The following RBM6 variants were observed in gnomAD, a reference collection of about 807,000 sequenced individuals.
RBM6 encodes the protein RNA-binding protein 6.
Under a neutral mutation model 140.4 loss-of-function variants are expected in RBM6, and 23 were observed. The ratio of observed to expected loss-of-function variants is 0.16; its 90% CI spans 0.12 to 0.23. The LOEUF is 0.23. Ranked by LOEUF, RBM6 falls within the 10% of genes least tolerant of loss-of-function variation. The pLI, the probability that RBM6 is intolerant of heterozygous loss-of-function variation, is 1.00. For synonymous variants in RBM6, 439 were observed against 475.6 expected (o/e 0.92, Z 1.00); for missense variants, 1,139 against 1,386.7 (o/e 0.82, Z 2.84).
In RBM6 at chr3:50,010,203, A is replaced by T. The variant is rs540268324; in HGVS notation, c.1557+10690A>T. On this transcript the variant is annotated intron_variant, in intron 6 of 20. Coordinates refer to ENST00000266022, the MANE Select transcript of RBM6 (RefSeq NM_005777.3). The stretch of plus-strand genomic sequence containing the variant: ...CACCCAGCCAGAATAATTAGTTTTA[A>T]TCTCACAGGGTGAGATTTGTGAGGT... Among the ~76,000 whole-genome samples, 5 of 152,246 alleles carry T rather than the reference A, an allele frequency of 3.3e-5. No individual in the cohort carries two copies. The East Asian group carries it at 5.8e-4, about 18-fold the overall frequency.
chr3:50,000,569 C>T (rs767736226), intron 6 of RBM6, among the ~76,000 whole-genome samples: 20 of 151,622 alleles, frequency 1.3e-4, no homozygotes, highest in Admixed American at 8.5e-4. Flanking sequence ...TACAGGCATG[C>T]GCCACCACGC....
chr3:50,035,042 T>A (rs1414603402), intron 6 of RBM6, among the ~76,000 whole-genome samples: 1 of 37,734 alleles, frequency 2.7e-5, no homozygotes, highest in African/African-American at 9.8e-5. Context: ...CCCTCCCCTC[T>A]CCTCCCCTAC....
chr3:49,968,689 G>A lies in RBM6; in HGVS notation c.1264G>A (p.Gly422Ser), dbSNP rs771441091. Reference protein sequence around the residue: ...RLPGSQMFGYGQSKSFPEGKT... With the variant: ...RLPGSQMFGYSQSKSFPEGKT... ...GCCAGGAAGCCAGATGTTTGGCTAT[G>A]GCCAGAGCAAGTCTTTTCCAGAGGG... is the stretch of plus-strand genomic sequence containing the variant. Residue 422 changes from glycine to serine, a missense_variant, in exon 3 of 21, where the codon GGC becomes AGC. Physicochemically the swap from Gly to Ser is moderately conservative, Grantham distance 56. This residue lies in a region of RBM6 where 566 missense variants were observed against 612.7 expected (regional missense o/e 0.92). Transcript: ENST00000266022. The A allele has an allele frequency of 1.9e-6, 3 of 1,613,524 alleles. No individual in the cohort carries two copies. The highest frequency in any genetic ancestry group is 1.7e-4 in the Middle Eastern group (1 of 6,060).
intron 19 of RBM6, among the ~76,000 whole-genome samples, chr3:50,072,968 G>A (rs912627255): frequency 1.2e-4 from 18 of 152,266 alleles, no homozygotes; most frequent in African/African-American, 4.1e-4. Flanking sequence ...AAATCCAGGT[G>A]TTCTCTAGGA....
chr3:49,971,283 A>C (rs1438409766), intron 3 of RBM6, among the ~76,000 whole-genome samples: 1 of 148,030 alleles, frequency 6.8e-6, no homozygotes, highest in African/African-American at 2.5e-5. Context: ...AAAAAAAAAA[A>C]CGAAAACCAA....
intron 6 of RBM6, among the ~76,000 whole-genome samples, chr3:50,034,995 C>CCCTCTTCTCT (rs2088432133): frequency 7.9e-6 from 1 of 126,752 alleles, no homozygotes; most frequent in Admixed American, 8.8e-5. Flanking sequence ...CTCTCCTCTT[C>CCCTCTTCTCT]CCTCTCCTCT....
At chr3:49,951,754 G>A (rs1335105752) in intron 1 of RBM6, among the ~76,000 whole-genome samples, 3 of 147,880 alleles carry the variant, frequency 2.0e-5, no homozygotes, top group Admixed American at 6.8e-5. Flanking sequence ...GTGGAGTCTC[G>A]CCCTGTCGCC....
chr3:49,986,925 A>G (rs1278126984), intron 5 of RBM6, among the ~76,000 whole-genome samples: 3 of 151,990 alleles, frequency 2.0e-5, no homozygotes, highest in Non-Finnish European at 4.4e-5. Flanking sequence ...AGCTGGGACT[A>G]TAGACATGCA....
At chr3:50,032,907 A>G (rs557801360) in intron 6 of RBM6, among the ~76,000 whole-genome samples, 1 of 151,758 alleles carries the variant, frequency 6.6e-6, no homozygotes, top group South Asian at 2.1e-4. Flanking sequence ...ACCGCTTGAA[A>G]CAAGGAGGCA....
At chr3:50,043,443 A>G (rs1416634235) in intron 6 of RBM6, among the ~76,000 whole-genome samples, 2 of 149,432 alleles carry the variant, frequency 1.3e-5, no homozygotes, top group African/African-American at 2.5e-5. Flanking sequence ...AGATCATGCC[A>G]CTGCATGCCA....
intron 16 of RBM6, 31 bp from the exon 17 acceptor site, chr3:50,066,211 T>C (rs569025738): frequency 1.3e-6 from 2 of 1,575,258 alleles, no homozygotes; most frequent in Non-Finnish European, 1.7e-6. Flanking sequence ...TAGGTTGAAT[T>C]TGGTATTGAT....
At chr3:49,991,768 C>T (rs1475459122) in intron 5 of RBM6, among the ~76,000 whole-genome samples, 2 of 152,022 alleles carry the variant, frequency 1.3e-5, no homozygotes, top group Non-Finnish European at 2.9e-5. Flanking sequence ...ATGGCTAGGT[C>T]GTTTCAAGTC....
chr3:50,031,441 A>G (rs1427332301), intron 6 of RBM6, among the ~76,000 whole-genome samples: 1 of 152,196 alleles, frequency 6.6e-6, no homozygotes, highest in Admixed American at 6.6e-5. Flanking sequence ...AGGGACATGG[A>G]TGAAGCTGTA....
At position 50,054,445 on chromosome 3, in the gene RBM6, A is replaced by G. The variant is rs1338098809; in HGVS notation, c.1693+50A>G. ...TTTTATCTCGTGCATTGAGCAAAAC[A>G]AATTTCATGTTTTCCTTGGCTTTGA... On this transcript the variant is annotated intron_variant, in intron 8 of 20. Transcript: ENST00000266022. 3 of 1,436,648 alleles carry G rather than the reference A, an allele frequency of 2.1e-6. No homozygotes were observed. The Admixed American group carries it at 5.1e-5, about 24-fold the overall frequency. The allele number at this position is 1,436,648 out of a possible 1,614,324, so 89.0% of individuals were successfully genotyped here. A position where few individuals can be genotyped will look rare whatever the true frequency, so the allele number is the denominator to read the frequency against.
chr3:50,059,602 G>A, intron 10 of RBM6, 47 bp from the exon 11 acceptor site: 5 of 1,498,808 alleles, frequency 3.3e-6, no homozygotes, highest in East Asian at 2.3e-5. Context: ...CTGTCTTTGG[G>A]TTCTGGCATT....
intron 5 of RBM6, among the ~76,000 whole-genome samples, chr3:49,978,207 C>T (rs993112007): frequency 6.6e-6 from 1 of 152,106 alleles, no homozygotes; most frequent in Admixed American, 6.5e-5. Flanking sequence ...CACTATGTTT[C>T]CCAGGCTGGT....
chr3:50,017,250 GTA>G (rs1267639573), intron 6 of RBM6, among the ~76,000 whole-genome samples: 1 of 152,004 alleles, frequency 6.6e-6, no homozygotes, highest in Non-Finnish European at 1.5e-5. Context: ...AGGAATGCAC[GTA>G]TGTCTTCTTT....
At chr3:49,989,576 A>C (rs2085723374) in intron 5 of RBM6, among the ~76,000 whole-genome samples, 1 of 152,000 alleles carries the variant, frequency 6.6e-6, no homozygotes, top group African/African-American at 2.4e-5. Flanking sequence ...GTCTCAAAAT[A>C]AATAAATAAA....
At chr3:50,050,814 T>A (rs1185587683) in intron 7 of RBM6, among the ~76,000 whole-genome samples, 1 of 152,202 alleles carries the variant, frequency 6.6e-6, no homozygotes, top group Non-Finnish European at 1.5e-5. Flanking sequence ...ATTTTCCTAA[T>A]GACTTTGAGG....
Sources: allele counts gnomAD v4.1 joint callset (sites outside exome capture counted in the v4.1 genomes callset), GRCh38; gene constraint gnomAD v4.1.1; regional missense constraint gnomAD v4.1.1; transcripts MANE v1.5; gene names NCBI Gene and HGNC (gene_info 2026-07-23, HGNC 2026-07-21).